Variants in PTPRR observed in about 807,000 individuals in gnomAD.
The protein encoded by PTPRR is receptor-type tyrosine-protein phosphatase R.
A neutral mutation model predicts 77.2 loss-of-function variants in PTPRR; 38 were observed. The ratio of observed to expected loss-of-function variants is 0.49; its 90% CI spans 0.38 to 0.65. The LOEUF is 0.65. PTPRR is among the 30% of genes least tolerant of loss of function. PTPRR has a pLI of 0.00. For synonymous variants in PTPRR, 299 were observed against 283.1 expected (o/e 1.06, Z -0.57); for missense variants, 744 against 799.2 (o/e 0.93, Z 0.83).
intron 2 of PTPRR, among the ~76,000 whole-genome samples, chr12:70,809,728 G>T (rs556068919): frequency 7.2e-5 from 11 of 152,106 alleles, no homozygotes; most frequent in South Asian, 2.1e-4. Flanking sequence ...TTTGAATACA[G>T]ATCCTCAATA....
chr12:70,768,323 G>T (rs1355587794), intron 2 of PTPRR, among the ~76,000 whole-genome samples: 1 of 151,996 alleles, frequency 6.6e-6, no homozygotes, highest in African/African-American at 2.4e-5. Flanking sequence ...ATGATAAAGG[G>T]GATATCACCA....
At chr12:70,743,001 G>C (rs1890100948) in intron 6 of PTPRR, among the ~76,000 whole-genome samples, 1 of 152,184 alleles carries the variant, frequency 6.6e-6, no homozygotes, top group South Asian at 2.1e-4. Context: ...GTTCAGAGCT[G>C]AAATATGGGT....
chr12:70,684,740 A>G lies in PTPRR; in HGVS notation c.1323T>C (p.Asp441=). 6.2e-7 allele frequency: 1 copy of G among 1,607,802 alleles called. No individual in the cohort carries two copies. The highest frequency in any genetic ancestry group is 8.5e-7 in the Non-Finnish European group (1 of 1,175,712). The part of the protein sequence containing the change: ...RVCLRPKNVT[D]SLSTYINANY... ...TAGCATTAATGTAGGTGCTCAATGA[A>G]TCGGTTACATTTTTTGGTCTTAAAC... Residue 441 remains aspartate, a synonymous_variant, in exon 9 of 14, where the codon GAT becomes GAC. Transcript: ENST00000283228.
At chr12:70,762,889 G>A in intron 3 of PTPRR, among the ~76,000 whole-genome samples, 1 of 152,066 alleles carries the variant, frequency 6.6e-6, no homozygotes, top group South Asian at 2.1e-4. Context: ...TTTGAACCAT[G>A]CTACTAACAT....
chr12:70,799,918 T>C (rs527829130), intron 2 of PTPRR, among the ~76,000 whole-genome samples: 2 of 152,242 alleles, frequency 1.3e-5, no homozygotes, highest in South Asian at 4.1e-4. Flanking sequence ...TCATCATAAA[T>C]ATTAATCATA....
rs142691396 is a variant in PTPRR, at chr12:70,666,935, G to GTT, written c.1498-4332_1498-4331dup. Among the ~76,000 whole-genome samples the GTT allele has an allele frequency of 6.9e-5, 2 of 29,050 alleles. 1 individual carries two copies. The highest frequency in any genetic ancestry group is 1.8e-4 in the Non-Finnish European group (2 of 10,902). 19.1% of individuals were successfully genotyped at this position (29,050 alleles called of 152,430 possible). On this transcript the variant is annotated intron_variant, in intron 10 of 13. Coordinates refer to ENST00000283228, the MANE Select transcript of PTPRR (RefSeq NM_002849.4). ...TTTTTGATTAACTGTGTGTTTTTCT[G>GTT]TTTTTTTTTTTTTTTTTTTTTTTTT...
At chr12:70,662,716 A>G in intron 10 of PTPRR, 111 bp from the exon 11 acceptor site, 1 of 573,842 alleles carries the variant, frequency 1.7e-6, no homozygotes, top group Non-Finnish European at 3.0e-6. Context: ...AAAATATCAA[A>G]TATCAATTTT....
chr12:70,855,912 G>A (rs1349668127), intron 2 of PTPRR, among the ~76,000 whole-genome samples: 2 of 152,058 alleles, frequency 1.3e-5, no homozygotes, highest in African/African-American at 2.4e-5. Context: ...TAGGTAGTTG[G>A]AGACAATCTT....
chr12:70,850,496 T>G (rs181268005), intron 2 of PTPRR, among the ~76,000 whole-genome samples: 7 of 152,332 alleles, frequency 4.6e-5, no homozygotes, highest in East Asian at 1.9e-4. Context: ...TCATTAGTGA[T>G]GTTTTCCCAT....
chr12:70,856,337 T>G (rs1189660244), intron 2 of PTPRR, among the ~76,000 whole-genome samples: 1 of 152,124 alleles, frequency 6.6e-6, no homozygotes, highest in African/African-American at 2.4e-5. Context: ...GAAAATCATC[T>G]AATCTGTCTG....
At chr12:70,919,837 A>G (rs1893828821) in intron 1 of PTPRR, among the ~76,000 whole-genome samples, 1 of 152,112 alleles carries the variant, frequency 6.6e-6, no homozygotes, top group Non-Finnish European at 1.5e-5. Context: ...GTGCAGCATC[A>G]CTAATGTGAA....
At chr12:70,763,505 TAG>T (rs1487742170) in intron 3 of PTPRR, among the ~76,000 whole-genome samples, 1 of 152,228 alleles carries the variant, frequency 6.6e-6, no homozygotes, top group East Asian at 1.9e-4. Context: ...TGTTTACTTC[TAG>T]AACATTGTTG....
At chr12:70,909,337 A>G (rs1893667821) in intron 1 of PTPRR, among the ~76,000 whole-genome samples, 1 of 152,232 alleles carries the variant, frequency 6.6e-6, no homozygotes, top group South Asian at 2.1e-4. Flanking sequence ...ATATGTGGAC[A>G]GGATTTTCAA....
chr12:70,775,263 T>G (rs974109521), intron 2 of PTPRR, among the ~76,000 whole-genome samples: 2 of 152,200 alleles, frequency 1.3e-5, no homozygotes, highest in Non-Finnish European at 2.9e-5. Flanking sequence ...GGCCTCTGTC[T>G]TGTTAGATTC....
At chr12:70,668,470 T>G (rs573549438) in intron 10 of PTPRR, among the ~76,000 whole-genome samples, 1 of 152,356 alleles carries the variant, frequency 6.6e-6, no homozygotes, top group East Asian at 1.9e-4. Context: ...GTCCAATTTC[T>G]GAGCTTTCCA....
At chr12:70,746,185 G>C (rs1890210939) in intron 5 of PTPRR, 99 bp from the exon 6 acceptor site, 4 of 1,149,606 alleles carry the variant, frequency 3.5e-6, no homozygotes, top group African/African-American at 1.6e-5. Context: ...CAAAATAAAG[G>C]CTTAACGATA....
At chr12:70,698,213 A>C in intron 8 of PTPRR, 52 bp downstream of exon 8, 6 of 1,479,508 alleles carry the variant, frequency 4.1e-6, no homozygotes, top group Non-Finnish European at 5.7e-6. Flanking sequence ...CCTAATGGCT[A>C]TCCCTCCCCT....
chr12:70,791,520 G>C (rs1891421775), intron 2 of PTPRR, among the ~76,000 whole-genome samples: 1 of 152,056 alleles, frequency 6.6e-6, no homozygotes, highest in Middle Eastern at 3.4e-3. Flanking sequence ...TCTCATCATT[G>C]ATGTATTATA....
chr12:70,656,966 C>A, intron 12 of PTPRR, 149 bp from the exon 13 acceptor site: 33 of 216,226 alleles, frequency 1.5e-4, no homozygotes, highest in Non-Finnish European at 2.4e-4. Context: ...GTGCTAAGTG[C>A]TTAAAATATA....
Sources: allele counts gnomAD v4.1 joint callset (sites outside exome capture counted in the v4.1 genomes callset), GRCh38; gene constraint gnomAD v4.1.1; transcripts MANE v1.5; gene names NCBI Gene and HGNC (gene_info 2026-07-23, HGNC 2026-07-21).